Variants in SPTY2D1 observed in about 807,000 individuals in gnomAD.
SPTY2D1 encodes the protein SPT2 chromatin protein domain containing 1.
SPTY2D1 carries 21 observed loss-of-function variants against 64.0 expected under a neutral mutation model. The ratio of observed to expected loss-of-function variants is 0.33; its 90% confidence interval spans 0.23 to 0.47. The LOEUF is 0.47. Ranked by LOEUF, SPTY2D1 falls within the 20% of genes least tolerant of loss-of-function variation. The pLI, the probability that SPTY2D1 is intolerant of heterozygous loss-of-function variation, is 1.00. For synonymous variants in SPTY2D1, 287 were observed against 286.8 expected (o/e 1.00, Z -0.01); for missense variants, 724 against 837.2 (o/e 0.86, Z 1.67).
chr11:18,615,913 G>A lies in SPTY2D1; in HGVS notation c.361C>T (p.Arg121Ter). Reference protein sequence around the residue: ...TESHTSQGTDREYEMEEENEF... With the variant: ...TESHTSQGTD ...TTCTCTTCTTCCATTTCATACTCTC[G>A]GTCGGTTCCTTGGCTGGTATGGCTT... The change falls in exon 3 of 6, where the codon CGA becomes TGA. Residue 121 changes from arginine to a stop codon, truncating the protein, a stop_gained. Transcript: ENST00000336349. LOFTEE classifies it high-confidence loss of function. The A allele has an allele frequency of 1.9e-6, 3 of 1,613,942 alleles. No homozygotes were observed. The highest frequency in any genetic ancestry group is 1.7e-6 in the Non-Finnish European group (2 of 1,180,012).
chr11:18,613,835 T>G (rs1033362322), intron 3 of SPTY2D1, among the ~76,000 whole-genome samples: 3 of 152,022 alleles, frequency 2.0e-5, no homozygotes, highest in Non-Finnish European at 4.4e-5. Context: ...TACTAACCAT[T>G]ATAACAAGCA....
intron 1 of SPTY2D1, among the ~76,000 whole-genome samples, chr11:18,624,986 G>A (rs767732674): frequency 2.6e-5 from 4 of 152,114 alleles, no homozygotes; most frequent in African/African-American, 4.8e-5. Flanking sequence ...GCGACAGAGC[G>A]AGACTCCGTC....
At chr11:18,613,586 A>G (rs1326507478) in intron 3 of SPTY2D1, among the ~76,000 whole-genome samples, 5 of 152,190 alleles carry the variant, frequency 3.3e-5, no homozygotes, top group Non-Finnish European at 7.3e-5. Flanking sequence ...ACGATTGCCA[A>G]AAGTCCCCTG....
rs932032686 is a variant in SPTY2D1 at position 18,615,579 on chromosome 11, G to C, written c.695C>G (p.Pro232Arg). The C allele has an allele frequency of 6.2e-7, 1 of 1,613,990 alleles. No homozygotes were observed. The highest frequency in any genetic ancestry group is 1.3e-5 in the African/African-American group (1 of 74,884). Residue 232 changes from proline to arginine, a missense_variant, in exon 3 of 6, where the codon CCC becomes CGC. Physicochemically the swap from Pro to Arg is moderately radical, Grantham distance 103. Around this residue, in one of 3 missense-constraint regions of SPTY2D1, gnomAD observed 426 missense variants for 431.8 expected, o/e 0.99. Coordinates refer to ENST00000336349, the MANE Select transcript of SPTY2D1 (RefSeq NM_194285.3). ...TGTGCCCACACTTTCTTTCTGAGAG[G>C]GTGCCTTTTTGGACACAGTTGGAGG... ...KLPPTVSKKA[P>R]SQKESVGTKL...
intron 2 of SPTY2D1, 143 bp downstream of exon 2, chr11:18,616,732 G>GACACACACACACAC (rs72301459): frequency 6.3e-4 from 306 of 487,672 alleles, no homozygotes; most frequent in African/African-American, 5.4e-3. Flanking sequence ...AGTTAACCTG[G>GACACACACACACAC]ACACACACAC....
intron 1 of SPTY2D1, 76 bp from the exon 2 acceptor site, chr11:18,617,065 G>A: frequency 8.8e-7 from 1 of 1,134,986 alleles, no homozygotes; most frequent in Non-Finnish European, 1.3e-6. Context: ...CACTGTGCCA[G>A]GTAATAAGAG....
intron 5 of SPTY2D1, 95 bp downstream of exon 5, chr11:18,611,382 C>G: frequency 8.8e-7 from 1 of 1,139,242 alleles, no homozygotes; most frequent in Non-Finnish European, 1.3e-6. Flanking sequence ...AATTCTCTGG[C>G]CCAAAGCCCC....
intron 1 of SPTY2D1, among the ~76,000 whole-genome samples, chr11:18,621,267 G>A (rs1854391317): frequency 6.6e-6 from 1 of 151,830 alleles, no homozygotes; most frequent in Admixed American, 6.6e-5. Context: ...CTGCACTTCA[G>A]CCTGGGTGAT....
At chr11:18,614,074 A>C (rs1854247713) in intron 3 of SPTY2D1, among the ~76,000 whole-genome samples, 1 of 152,216 alleles carries the variant, frequency 6.6e-6, no homozygotes, top group Non-Finnish European at 1.5e-5. Context: ...GGACATTTCA[A>C]GGGTGAACAC....
chr11:18,625,294 C>G (rs1854477760), intron 1 of SPTY2D1, among the ~76,000 whole-genome samples: 1 of 152,156 alleles, frequency 6.6e-6, no homozygotes, highest in South Asian at 2.1e-4. Flanking sequence ...AATTAATAAC[C>G]TGCCCCAAAA....
In SPTY2D1 at chr11:18,612,243, T is replaced by C; in HGVS notation, c.1886+71A>G. 1 of 1,305,958 alleles carries C rather than the reference T, an allele frequency of 7.7e-7. No individual in the cohort carries two copies. Among genetic ancestry groups the C allele is most frequent in the Non-Finnish European group, 1.0e-6 (1 of 959,460 alleles). 80.9% of individuals were successfully genotyped at this position (1,305,958 alleles called of 1,614,324 possible). A position where few individuals can be genotyped will look rare whatever the true frequency, so the allele number is the denominator to read the frequency against. ...ATTCAGTGCCTCCACTATTAGTTTA[T>C]TACCCCATGACATGAATTATTCAAA... On this transcript the variant is annotated intron_variant, in intron 4 of 5. Transcript: ENST00000336349. This position sits in a 1 kb window ranked among gnomAD's most constrained non-coding sequence, Gnocchi z 4.6.
At chr11:18,611,896 AT>A (rs1854212190) in intron 4 of SPTY2D1, among the ~76,000 whole-genome samples, 1 of 152,164 alleles carries the variant, frequency 6.6e-6, no homozygotes, top group Admixed American at 6.5e-5. Context: ...ATTATTTTAT[AT>A]ATAATAATCT....
At chr11:18,633,879 A>G (rs1161427289) in intron 1 of SPTY2D1, among the ~76,000 whole-genome samples, 1 of 152,210 alleles carries the variant, frequency 6.6e-6, no homozygotes, top group Non-Finnish European at 1.5e-5. Flanking sequence ...AAAAACTACC[A>G]GCGCTAGAAT....
intron 1 of SPTY2D1, among the ~76,000 whole-genome samples, chr11:18,622,085 T>TAAAAAAAAA (rs1854414951): frequency 1.5e-3 from 1 of 682 alleles, no homozygotes; most frequent in Non-Finnish European, 8.9e-3. Context: ...AGACCCTATC[T>TAAAAAAAAA]CAAAAAAAAA....
chr11:18,624,736 C>T (rs1854468933), intron 1 of SPTY2D1, among the ~76,000 whole-genome samples: 1 of 152,210 alleles, frequency 6.6e-6, no homozygotes, highest in African/African-American at 2.4e-5. Context: ...TGATGGCTCA[C>T]GTCTGTAATC....
At chr11:18,618,274 G>A (rs1399315374) in intron 1 of SPTY2D1, among the ~76,000 whole-genome samples, 1 of 152,190 alleles carries the variant, frequency 6.6e-6, no homozygotes, top group Non-Finnish European at 1.5e-5. Context: ...TAGCTCTTAT[G>A]TTCACTAAAT....
At chr11:18,629,565 C>A (rs1854552706) in intron 1 of SPTY2D1, among the ~76,000 whole-genome samples, 1 of 152,138 alleles carries the variant, frequency 6.6e-6, no homozygotes, top group Non-Finnish European at 1.5e-5. Context: ...TAGTATTCTA[C>A]CAAAACAAGT....
In SPTY2D1 at chr11:18,606,755, T is replaced by A. The variant is rs747172946; in HGVS notation, c.*3106A>T. The A allele has an allele frequency of 2.5e-6, 1 of 392,430 alleles. No individual in the cohort carries two copies. Among genetic ancestry groups the A allele is most frequent in the Non-Finnish European group, 4.8e-6 (1 of 206,668 alleles). The allele number at this position is 392,430 out of a possible 1,614,324, so 24.3% of individuals were successfully genotyped here. The stretch of plus-strand genomic sequence containing the variant: ...AAACATGTTTTGGTCTCCTGCTATA[T>A]CTCAGAAATTTACCAATAGCTGCTT... On this transcript the variant is annotated 3_prime_UTR_variant, in exon 6 of 6. Transcript: ENST00000336349.
intron 1 of SPTY2D1, among the ~76,000 whole-genome samples, chr11:18,622,739 G>A (rs1854434580): frequency 6.6e-6 from 1 of 151,974 alleles, no homozygotes; most frequent in Non-Finnish European, 1.5e-5. Context: ...ATCACCTGAG[G>A]TCAGGAGTTC....
Sources: gnomAD v4.1 joint callset for allele counts (sites outside exome capture counted in the v4.1 genomes callset) on GRCh38, gnomAD v4.1.1 for gene constraint, gnomAD v4.1.1 regional missense constraint, Gnocchi (gnomAD v3.1) non-coding constraint, MANE v1.5 for transcripts, NCBI Gene and HGNC (gene_info 2026-07-23, HGNC 2026-07-21) for gene names.